Variants in SLC18B1 observed in about 807,000 individuals in gnomAD.
The protein encoded by SLC18B1 is MFS-type transporter SLC18B1.
Under a neutral mutation model 53.9 loss-of-function variants are expected in SLC18B1, and 62 were observed. That is an observed-to-expected ratio of 1.15 (90% confidence interval 0.94 to 1.42). The LOEUF (loss-of-function observed/expected upper bound fraction) is 1.42. SLC18B1 is among the 40% of genes most tolerant of loss of function. SLC18B1 has a pLI of 0.00. For synonymous variants in SLC18B1, 217 were observed against 200.9 expected (o/e 1.08, Z -0.68); for missense variants, 598 against 547.3 (o/e 1.09, Z -0.93).
At chr6:132,777,994 A>C (rs1781141411) in intron 7 of SLC18B1, among the ~76,000 whole-genome samples, 2 of 152,204 alleles carry the variant, frequency 1.3e-5, no homozygotes, top group South Asian at 4.1e-4. Context: ...GAGTCCGAAA[A>C]AGGAGTCAGC....
At chr6:132,775,085 G>A (rs1781067336) in intron 8 of SLC18B1, among the ~76,000 whole-genome samples, 1 of 152,178 alleles carries the variant, frequency 6.6e-6, no homozygotes, top group Non-Finnish European at 1.5e-5. Flanking sequence ...GCCTTTGGGA[G>A]GTGATTAGTT....
At chr6:132,787,155 T>A (rs1024593582) in intron 5 of SLC18B1, among the ~76,000 whole-genome samples, 14 of 148,710 alleles carry the variant, frequency 9.4e-5, no homozygotes, top group Admixed American at 3.3e-4. Flanking sequence ...CAAAGGAAAA[T>A]TTTTTTTTTA....
Position 132,783,813 on chromosome 6 carries a change from A to G in SLC18B1, c.658+120T>C, listed in dbSNP as rs1031852949. 5 of 795,896 alleles carry G rather than the reference A, an allele frequency of 6.3e-6. No individual in the cohort carries two copies. In the African/African-American group the frequency reaches 7.3e-5, roughly 12 times the overall value. 49.3% of individuals were successfully genotyped at this position (795,896 alleles called of 1,614,324 possible). On this transcript the variant is annotated intron_variant, in intron 6 of 13. Coordinates refer to ENST00000275227, the MANE Select transcript of SLC18B1 (RefSeq NM_052831.3). Reference sequence around the variant, plus strand: ...AATTGCCTACATTACTGAAAAAAGAATCAGTTATTTTTAAAAGCTATTTTT... The same window carrying G: ...AATTGCCTACATTACTGAAAAAAGAGTCAGTTATTTTTAAAAGCTATTTTT...
chr6:132,798,292 G>GC, intron 1 of SLC18B1, 122 bp downstream of exon 1: 1 of 1,108,820 alleles, frequency 9.0e-7, no homozygotes, highest in Non-Finnish European at 1.2e-6. Context: ...CCACGATCAG[G>GC]CCCCAGCCTT....
At chr6:132,787,355 G>A in intron 5 of SLC18B1, 79 bp downstream of exon 5, 2 of 1,363,870 alleles carry the variant, frequency 1.5e-6, no homozygotes, top group Non-Finnish European at 2.0e-6. Flanking sequence ...TAGAAGAATG[G>A]ACCCCAGCTT....
intron 7 of SLC18B1, among the ~76,000 whole-genome samples, chr6:132,777,197 T>C (rs998559545): frequency 6.6e-6 from 1 of 152,020 alleles, no homozygotes; most frequent in African/African-American, 2.4e-5. Flanking sequence ...GCCAAGATCA[T>C]GCCACTATAT....
chr6:132,796,731 A>C (rs10484629), intron 2 of SLC18B1, among the ~76,000 whole-genome samples: 30,884 of 151,924 alleles, frequency 0.2, 4,574 homozygotes, highest in African/African-American at 0.42. Context: ...ACATGGTAAG[A>C]AAAGTAATTC....
At chr6:132,787,697 C>T (rs566859691) in intron 4 of SLC18B1, 116 bp from the exon 5 acceptor site, 22 of 853,862 alleles carry the variant, frequency 2.6e-5, no homozygotes, top group Admixed American at 3.9e-5. Context: ...TAGAATAAAC[C>T]GCTTTAGAAT....
Position 132,790,169 on chromosome 6 carries a change from A to T in SLC18B1, c.279+8T>A, listed in dbSNP as rs1201813777. ...AAATTAAGATGTGCATATGAACTTT[A>T]TACTTACATAGTTTCCAAATACCAA... On this transcript the variant is annotated splice_region_variant and intron_variant, in intron 3 of 13. Coordinates refer to ENST00000275227, the MANE Select transcript of SLC18B1 (RefSeq NM_052831.3). The T allele has an allele frequency of 5.2e-6, 8 of 1,544,914 alleles. No homozygotes were observed. The highest frequency in any genetic ancestry group is 7.0e-6 in the Non-Finnish European group (8 of 1,143,262).
intron 6 of SLC18B1, among the ~76,000 whole-genome samples, chr6:132,780,126 T>C (rs908888208): frequency 1.3e-5 from 2 of 151,614 alleles, no homozygotes; most frequent in African/African-American, 4.9e-5. Flanking sequence ...AGATGGAGTG[T>C]CTTGCTCTGT....
At position 132,769,881 on chromosome 6, in the gene SLC18B1, C is replaced by T. The variant is rs1780925145; in HGVS notation, c.*389G>A. On this transcript the variant is annotated 3_prime_UTR_variant, in exon 14 of 14. Coordinates refer to ENST00000275227, the MANE Select transcript of SLC18B1 (RefSeq NM_052831.3). ...GCATATCAAATTAATTCATTTCTTT[C>T]CCTGTTAATAAAAAAGGTACATTCA... The T allele has an allele frequency of 1.3e-5, 2 of 157,064 alleles. No homozygotes were observed. Among genetic ancestry groups the T allele is most frequent in the South Asian group, 3.9e-4 (2 of 5,136 alleles). 9.7% of individuals were successfully genotyped at this position (157,064 alleles called of 1,614,324 possible). A position where few individuals can be genotyped will look rare whatever the true frequency, so the allele number is the denominator to read the frequency against.
In SLC18B1 at chr6:132,770,255, C is replaced by G. The variant is rs1190333420; in HGVS notation, c.*15G>C. On this transcript the variant is annotated 3_prime_UTR_variant, in exon 14 of 14. Coordinates refer to ENST00000275227, the MANE Select transcript of SLC18B1 (RefSeq NM_052831.3). Reference sequence around the variant, plus strand: ...ATTCATTTCTCAACCTTGTATCAATCCAGGATCCATCGGACTAGGTTTCAT... The same window carrying G: ...ATTCATTTCTCAACCTTGTATCAATGCAGGATCCATCGGACTAGGTTTCAT... The G allele has an allele frequency of 1.2e-6, 2 of 1,605,882 alleles. No homozygotes were observed. The highest frequency in any genetic ancestry group is 2.2e-5 in the South Asian group (2 of 90,896).
chr6:132,774,316 G>C lies in SLC18B1; in HGVS notation c.898-3C>G. ...ACCAGAAGCCATTTCCTTAGAGGCT[G>C]GTAAAGGAGAAAGAGAGTCAAAATG... is the stretch of plus-strand genomic sequence containing the variant. On this transcript the variant is annotated splice_polypyrimidine_tract_variant and splice_region_variant and intron_variant, in intron 8 of 13. Coordinates refer to ENST00000275227, the MANE Select transcript of SLC18B1 (RefSeq NM_052831.3). 6.2e-7 allele frequency: 1 copy of C among 1,609,710 alleles called. No individual in the cohort carries two copies. Among genetic ancestry groups the C allele is most frequent in the Non-Finnish European group, 8.5e-7 (1 of 1,177,228 alleles).
At chr6:132,784,613 C>A (rs181984986) in intron 5 of SLC18B1, among the ~76,000 whole-genome samples, 1 of 152,264 alleles carries the variant, frequency 6.6e-6, no homozygotes, top group African/African-American at 2.4e-5. Context: ...CTATCTCTAT[C>A]GAACACTCTA....
At chr6:132,786,118 T>C (rs139387855) in intron 5 of SLC18B1, among the ~76,000 whole-genome samples, 71 of 152,202 alleles carry the variant, frequency 4.7e-4, no homozygotes, top group African/African-American at 1.7e-3. Flanking sequence ...TTAATGAGCA[T>C]ATCAACAGAC....
chr6:132,790,093 A>G, intron 3 of SLC18B1, 84 bp downstream of exon 3: 8 of 987,082 alleles, frequency 8.1e-6, no homozygotes, highest in Non-Finnish European at 1.2e-5. Context: ...TTTCTGTATC[A>G]ATGCAAATTC....
At chr6:132,771,994 A>C (rs1306948474) in intron 11 of SLC18B1, 138 bp downstream of exon 11, 3 of 592,136 alleles carry the variant, frequency 5.1e-6, no homozygotes, top group Non-Finnish European at 8.6e-6. Context: ...CAGGAGGCTG[A>C]GATAGAAGAA....
intron 2 of SLC18B1, among the ~76,000 whole-genome samples, chr6:132,795,156 T>C (rs1185222235): frequency 6.9e-6 from 1 of 144,764 alleles, no homozygotes; most frequent in Non-Finnish European, 1.5e-5. Context: ...CAGAAGAAAA[T>C]GATTTAAAAA....
intron 1 of SLC18B1, among the ~76,000 whole-genome samples, chr6:132,797,797 C>CG (rs59317972): frequency 0.092 from 13,908 of 151,958 alleles, 1,000 homozygotes; most frequent in African/African-American, 0.2. Context: ...TTTTTTTACC[C>CG]TAATTACTGG....
Sources: gnomAD v4.1 joint callset for allele counts (sites outside exome capture counted in the v4.1 genomes callset) on GRCh38, gnomAD v4.1.1 for gene constraint, MANE v1.5 for transcripts, NCBI Gene and HGNC (gene_info 2026-07-23, HGNC 2026-07-21) for gene names.